The following C4orf51 variants were observed in gnomAD, a reference collection of about 807,000 sequenced individuals.
The protein encoded by C4orf51 is uncharacterized protein C4orf51.
In C4orf51, 25 loss-of-function variants were observed where a neutral mutation model predicts 25.2. The ratio of observed to expected loss-of-function variants is 0.99; its 90% CI spans 0.72 to 1.39. C4orf51 has a LOEUF of 1.39. Ranked by LOEUF, C4orf51 falls within the 40% of genes most tolerant of loss-of-function variation. The pLI is 0.00. For synonymous variants in C4orf51, 100 were observed against 84.5 expected (o/e 1.18, Z -1.01); for missense variants, 252 against 239.6 (o/e 1.05, Z -0.34).
downstream of C4orf51, among the ~76,000 whole-genome samples, chr4:145,756,702 A>G (rs4835256): frequency 0.43 from 65,799 of 152,052 alleles, 15,147 homozygotes; most frequent in Non-Finnish European, 0.53. Context: ...AACATTTTCA[A>G]TAAACACCAG....
downstream of C4orf51, among the ~76,000 whole-genome samples, chr4:145,734,544 C>T (rs562463277): frequency 9.2e-5 from 14 of 152,314 alleles, no homozygotes; most frequent in East Asian, 2.3e-3. Flanking sequence ...CCATCTCTGT[C>T]CTGCTCTGTG....
chr4:145,771,130 C>T (rs1736215931), downstream of C4orf51: 1 of 152,208 alleles, frequency 6.6e-6, no homozygotes, highest in Non-Finnish European at 1.5e-5. Flanking sequence ...GTTTTCTTAA[C>T]AGTTTATAGG....
chr4:145,718,549 GAAGTCACTGGACTACCCCAT>G (rs1421791164), intron 2 of C4orf51, among the ~76,000 whole-genome samples: 1 of 152,186 alleles, frequency 6.6e-6, no homozygotes, highest in African/African-American at 2.4e-5. Context: ...AAAGCAGTAA[GAAGTCACTGGACTACCCCAT>G]AAGTCACGTC....
intron 1 of C4orf51, among the ~76,000 whole-genome samples, chr4:145,694,281 G>A (rs1449838150): frequency 1.4e-5 from 2 of 143,626 alleles, no homozygotes; most frequent in East Asian, 4.4e-4. Context: ...TCACTTTCCA[G>A]ACTGGGCAGC....
downstream of C4orf51, among the ~76,000 whole-genome samples, chr4:145,757,067 A>G (rs1290416743): frequency 6.6e-6 from 1 of 152,228 alleles, no homozygotes; most frequent in African/African-American, 2.4e-5. Flanking sequence ...ATTTTAAAAA[A>G]TTGTTTGAAC....
At position 145,765,069 on chromosome 4, in the gene C4orf51, T is replaced by C; in HGVS notation, n.167-5919T>C. The C allele has an allele frequency of 6.2e-7, 1 of 1,614,256 alleles. No individual in the cohort carries two copies. The highest frequency in any genetic ancestry group is 1.3e-5 in the African/African-American group (1 of 75,064). ...GGTCTTCATGAACTTGTGGCACACA[T>C]CACACTCAAACATCCGGGTGATGAG... On this transcript the variant is annotated intron_variant and non_coding_transcript_variant, in intron 1 of 1. Transcript: ENST00000510096. The surrounding 1 kb of genome is among the most constrained non-coding windows in gnomAD (Gnocchi z 4.7).
chr4:145,709,120 T>C (rs1442673616), intron 2 of C4orf51, among the ~76,000 whole-genome samples: 2 of 152,186 alleles, frequency 1.3e-5, no homozygotes, highest in Non-Finnish European at 2.9e-5. Flanking sequence ...ATTTGCCCTC[T>C]TGACATAAAG....
intron 1 of C4orf51, among the ~76,000 whole-genome samples, chr4:145,751,269 T>G (rs1733659124): frequency 6.6e-6 from 1 of 152,184 alleles, no homozygotes; most frequent in Non-Finnish European, 1.5e-5. Context: ...CTGGGCTTGT[T>G]TGTACCTATC....
downstream of C4orf51, chr4:145,774,392 T>G: frequency 5.0e-6 from 6 of 1,191,690 alleles, no homozygotes; most frequent in Non-Finnish European, 5.9e-6. Flanking sequence ...CTTCCTTCCA[T>G]GGAAGGAAAA....
intron 2 of C4orf51, among the ~76,000 whole-genome samples, chr4:145,701,227 T>C (rs1242857584): frequency 1.7e-5 from 2 of 121,042 alleles, no homozygotes; most frequent in Non-Finnish European, 3.4e-5. Flanking sequence ...CTTCAAGGTG[T>C]ACAATAATAA....
chr4:145,751,529 A>G (rs1026537603), intron 1 of C4orf51, among the ~76,000 whole-genome samples: 47 of 152,224 alleles, frequency 3.1e-4, no homozygotes, highest in African/African-American at 1.1e-3. Flanking sequence ...AACTGGGGAT[A>G]GAGTGACATA....
At chr4:145,751,029 A>T (rs892130502) in intron 1 of C4orf51, among the ~76,000 whole-genome samples, 5 of 152,098 alleles carry the variant, frequency 3.3e-5, no homozygotes, top group African/African-American at 1.2e-4. Context: ...GTCTGACAGA[A>T]TTCTGATTTC....
intron 1 of C4orf51, among the ~76,000 whole-genome samples, chr4:145,685,243 C>T (rs1729075440): frequency 6.6e-6 from 1 of 152,086 alleles, no homozygotes; most frequent in African/African-American, 2.4e-5. Context: ...TTTACAATAT[C>T]CTTGTATTCG....
chr4:145,755,621 TAAGA>T (rs560458882), downstream of C4orf51, among the ~76,000 whole-genome samples: 267 of 152,318 alleles, frequency 1.8e-3, no homozygotes, highest in Middle Eastern at 0.01. Flanking sequence ...AGGCCTTGAT[TAAGA>T]AATAACCCTT....
intron 1 of C4orf51, among the ~76,000 whole-genome samples, chr4:145,769,966 C>T (rs1223629498): frequency 6.6e-6 from 1 of 152,162 alleles, no homozygotes; most frequent in Non-Finnish European, 1.5e-5. Context: ...GTAAGCACTT[C>T]TACTTTTAAA....
At chr4:145,730,073 A>G in intron 5 of C4orf51, 108 bp downstream of exon 5, 1 of 874,138 alleles carries the variant, frequency 1.1e-6, no homozygotes, top group Non-Finnish European at 1.9e-6. Context: ...GTGTATGTTT[A>G]GAGTTGGTAT....
At chr4:145,695,572 G>A (rs1335787309) in intron 1 of C4orf51, among the ~76,000 whole-genome samples, 3 of 152,080 alleles carry the variant, frequency 2.0e-5, no homozygotes, top group African/African-American at 7.2e-5. Flanking sequence ...TAGGTTGTCT[G>A]TTTCTTTGCT....
chr4:145,755,136 C>A (rs1246858281), downstream of C4orf51, among the ~76,000 whole-genome samples: 2 of 152,118 alleles, frequency 1.3e-5, no homozygotes, highest in Admixed American at 6.5e-5. Context: ...TTGTTTACAA[C>A]AAGTTGTAGA....
intron 1 of C4orf51, among the ~76,000 whole-genome samples, chr4:145,747,228 T>C (rs946201819): frequency 6.6e-6 from 1 of 152,148 alleles, no homozygotes; most frequent in Admixed American, 6.5e-5. Flanking sequence ...CTTCCAGTAC[T>C]ATGTTGAATA....
Sources: gnomAD v4.1 joint callset for allele counts (sites outside exome capture counted in the v4.1 genomes callset) on GRCh38, gnomAD v4.1.1 for gene constraint, Gnocchi (gnomAD v3.1) non-coding constraint, MANE v1.5 for transcripts, NCBI Gene and HGNC (gene_info 2026-07-23, HGNC 2026-07-21) for gene names.